The following CLEC4M variants were observed in gnomAD, a reference collection of about 807,000 sequenced individuals.
The protein encoded by CLEC4M is CD209 antigen-like protein 1.
A neutral mutation model predicts 39.1 loss-of-function variants in CLEC4M; 25 were observed. The ratio of observed to expected loss-of-function variants is 0.64; its 90% confidence interval spans 0.47 to 0.89. The LOEUF (loss-of-function observed/expected upper bound fraction) is 0.89. Among genes scored for constraint, CLEC4M ranks in the 40% least tolerant of loss-of-function variants. The pLI, the probability that CLEC4M is intolerant of heterozygous loss-of-function variation, is 0.00. For synonymous variants in CLEC4M, 155 were observed against 177.4 expected, an observed-to-expected ratio of 0.87 and a Z score of 1.00; for missense variants, 353 against 431.4, an observed-to-expected ratio of 0.82 and a Z score of 1.61.
At chr19:7,768,760 C>A in intron 6 of CLEC4M, 78 bp from the exon 7 acceptor site, 1 of 1,518,114 alleles carries the variant, frequency 6.6e-7, no homozygotes, top group South Asian at 1.2e-5. Context: ...GATGTTAAAG[C>A]ATCAATATTA....
chr19:7,768,800 G>A, intron 6 of CLEC4M, 38 bp from the exon 7 acceptor site: 1 of 1,606,902 alleles, frequency 6.2e-7, no homozygotes, highest in East Asian at 2.2e-5. Context: ...TCATCTACTG[G>A]GCAGGGCAGA....
intron 6 of CLEC4M, 48 bp from the exon 7 acceptor site, chr19:7,768,790 T>C: frequency 6.3e-7 from 1 of 1,598,392 alleles, no homozygotes; most frequent in Non-Finnish European, 8.6e-7. Flanking sequence ...GGAGTGTGGC[T>C]CATCTACTGG....
At chr19:7,767,169 C>A (rs936061891) in intron 5 of CLEC4M, 6 of 432,842 alleles carry the variant, frequency 1.4e-5, no homozygotes, top group Middle Eastern at 6.7e-4. Flanking sequence ...CAGTGCAGAG[C>A]TGAAAGGAGA....
chr19:7,767,777 A>G, intron 6 of CLEC4M, 149 bp downstream of exon 6: 1 of 645,574 alleles, frequency 1.5e-6, no homozygotes, highest in Non-Finnish European at 2.7e-6. Context: ...GGTGGTCTTC[A>G]TACCCACCTC....
In CLEC4M at chr19:7,769,237, G is replaced by T. The variant is rs910356411; in HGVS notation, c.*249G>T. On this transcript the variant is annotated 3_prime_UTR_variant, in exon 7 of 7. Coordinates refer to ENST00000327325, the MANE Select transcript of CLEC4M (RefSeq NM_014257.5). Reference sequence around the variant, plus strand: ...AAGTGACCTGAGTGGGATGCATTTAGGGGGCGGGCTTGGTATGTTGTATGA... The same window carrying T: ...AAGTGACCTGAGTGGGATGCATTTATGGGGCGGGCTTGGTATGTTGTATGA... 7.4e-6 allele frequency: 3 copies of T among 405,096 alleles called. No homozygotes were observed. Among genetic ancestry groups the T allele is most frequent in the African/African-American group, 6.0e-5 (3 of 49,804 alleles). The allele number at this position is 405,096 out of a possible 1,614,324, so 25.1% of individuals were successfully genotyped here.
At chr19:7,765,553 C>A in intron 3 of CLEC4M, 85 bp from the exon 4 acceptor site, 1 of 1,577,306 alleles carries the variant, frequency 6.3e-7, no homozygotes, top group South Asian at 1.2e-5. Flanking sequence ...TTGGCTCTCA[C>A]AAATGATGTC....
chr19:7,768,864 A>T lies in CLEC4M; in HGVS notation c.1076A>T (p.Glu359Val), dbSNP rs1196427778. The T allele has an allele frequency of 6.2e-7, 1 of 1,614,178 alleles. No homozygotes were observed. The change falls in exon 7 of 7, where the codon GAA (glutamate) becomes GTA (valine). Residue 359 changes from glutamate (E) to valine (V), a missense_variant. Around this residue, in one of 4 missense-constraint regions of CLEC4M, gnomAD observed 196 missense variants for 211.7 expected, o/e 0.93. Coordinates refer to ENST00000327325, the MANE Select transcript of CLEC4M (RefSeq NM_014257.5). ...TTCCAGCGGTACTGGAACAGTGGAG[A>T]ACCCAACAATAGCGGGAATGAAGAC... ...PSFQRYWNSG[E>V]PNNSGNEDCA...
At chr19:7,768,719 C>T (rs926900544) in intron 6 of CLEC4M, 119 bp from the exon 7 acceptor site, 4 of 1,168,288 alleles carry the variant, frequency 3.4e-6, no homozygotes, top group Non-Finnish European at 4.9e-6. Context: ...GTGTGGAGAG[C>T]AATGCATGTC....
Position 7,769,096 on chromosome 19 carries a change from CG to C in CLEC4M, c.*110del. On this transcript the variant is annotated 3_prime_UTR_variant, in exon 7 of 7. Coordinates refer to ENST00000327325, the MANE Select transcript of CLEC4M (RefSeq NM_014257.5). ...TTGGACCTTCACAAATGCCCTGAGA[CG>C]GTTCTCTGTTCGATTTTTCATCCCC... 8.6e-7 allele frequency: 1 copy of C among 1,166,092 alleles called. No individual in the cohort carries two copies. Among genetic ancestry groups the C allele is most frequent in the East Asian group, 2.5e-5 (1 of 40,558 alleles). 72.2% of individuals were successfully genotyped at this position (1,166,092 alleles called of 1,614,324 possible).
At chr19:7,767,220 C>T (rs1009053870) in intron 5 of CLEC4M, 9 of 437,168 alleles carry the variant, frequency 2.1e-5, no homozygotes, top group Non-Finnish European at 3.0e-5. Flanking sequence ...AATGTGGCTC[C>T]AGTACATGAA....
chr19:7,769,149 T>G lies in CLEC4M; in HGVS notation c.*161T>G. The G allele has an allele frequency of 1.5e-6, 1 of 649,908 alleles. No individual in the cohort carries two copies. The highest frequency in any genetic ancestry group is 2.0e-5 in the South Asian group (1 of 50,082). 40.3% of individuals were successfully genotyped at this position (649,908 alleles called of 1,614,324 possible). A position where few individuals can be genotyped will look rare whatever the true frequency, so the allele number is the denominator to read the frequency against. On this transcript the variant is annotated 3_prime_UTR_variant, in exon 7 of 7. Transcript: ENST00000327325. ...ATGAACCTGGGTCTTATTCTGTCCT[T>G]CTGATGCCTCCAAGTTTCCCTGGTG...
chr19:7,765,090 C>T, intron 2 of CLEC4M, 95 bp from the exon 3 acceptor site: 3 of 1,368,260 alleles, frequency 2.2e-6, no homozygotes, highest in Non-Finnish European at 2.1e-6. Context: ...GGCTGGGGTT[C>T]CTGGGTCCTG....
intron 3 of CLEC4M, 53 bp from the exon 4 acceptor site, chr19:7,765,585 C>G (rs372985078): frequency 2.5e-6 from 4 of 1,610,090 alleles, no homozygotes; most frequent in Non-Finnish European, 3.4e-6. Context: ...CAGTTCAGGG[C>G]TTGGCACACA....
At chr19:7,764,665 G>A (rs1410055729) in intron 2 of CLEC4M, among the ~76,000 whole-genome samples, 1 of 151,744 alleles carries the variant, frequency 6.6e-6, no homozygotes, top group East Asian at 1.9e-4. Flanking sequence ...CTAATTTTTT[G>A]TATTTTTAGT....
At chr19:7,768,466 C>T (rs554767998) in intron 6 of CLEC4M, 52 of 172,338 alleles carry the variant, frequency 3.0e-4, no homozygotes, top group African/African-American at 1.1e-3. Flanking sequence ...CCCAGCTACT[C>T]AGGAGGCTGA....
At chr19:7,766,450 G>C in intron 4 of CLEC4M, 6 of 1,451,440 alleles carry the variant, frequency 4.1e-6, no homozygotes, top group Non-Finnish European at 5.4e-6. Flanking sequence ...GTCTGGAAGA[G>C]ATGGAGCCAG....
At chr19:7,768,559 G>A in intron 6 of CLEC4M, 1 of 249,936 alleles carries the variant, frequency 4.0e-6, no homozygotes, top group Non-Finnish European at 7.9e-6. Context: ...CCTGGCAACA[G>A]AGCGAGAATC....
At chr19:7,768,360 G>T in intron 6 of CLEC4M, 1 of 155,152 alleles carries the variant, frequency 6.4e-6, no homozygotes, top group Admixed American at 6.3e-5. Context: ...TAGATCACGA[G>T]GTCAAGAGAT....
rs1045998 is a variant in CLEC4M at position 7,769,108 on chromosome 19, C to G, written c.*120C>G. On this transcript the variant is annotated 3_prime_UTR_variant, in exon 7 of 7. Transcript: ENST00000327325. Reference sequence around the variant, plus strand: ...AAATGCCCTGAGACGGTTCTCTGTTCGATTTTTCATCCCCTATGAACCTGG... The same window carrying G: ...AAATGCCCTGAGACGGTTCTCTGTTGGATTTTTCATCCCCTATGAACCTGG... 0.011 allele frequency: 11,192 copies of G among 1,004,788 alleles called. 774 individuals are homozygous for G. The African/African-American group carries it at 0.16, about 14-fold the overall frequency. The allele number at this position is 1,004,788 out of a possible 1,614,324, so 62.2% of individuals were successfully genotyped here. A position where few individuals can be genotyped will look rare whatever the true frequency, so the allele number is the denominator to read the frequency against.
Sources: gnomAD v4.1 joint callset for allele counts (sites outside exome capture counted in the v4.1 genomes callset) on GRCh38, gnomAD v4.1.1 for gene constraint, gnomAD v4.1.1 regional missense constraint, MANE v1.5 for transcripts, NCBI Gene and HGNC (gene_info 2026-07-23, HGNC 2026-07-21) for gene names.